Variants in AMPH observed in about 807,000 individuals in gnomAD.
The protein encoded by AMPH is amphiphysin.
Under a neutral mutation model 99.1 loss-of-function variants are expected in AMPH, and 49 were observed. The ratio of observed to expected loss-of-function variants is 0.49; its 90% CI spans 0.39 to 0.63. The LOEUF (loss-of-function observed/expected upper bound fraction) is 0.63. Among genes scored for constraint, AMPH ranks in the 20% least tolerant of loss-of-function variants. The pLI is 0.00. For missense variants in AMPH, 759 were observed against 863.4 expected (o/e 0.88, Z 1.52); for synonymous variants, 314 against 317.3 (o/e 0.99, Z 0.11).
At chr7:38,611,836 C>T (rs1793690858) in intron 1 of AMPH, among the ~76,000 whole-genome samples, 1 of 152,150 alleles carries the variant, frequency 6.6e-6, no homozygotes, top group South Asian at 2.1e-4. Flanking sequence ...TTCATTAATT[C>T]CCTATACCAT....
chr7:38,406,313 A>G (rs1182376720), intron 17 of AMPH, among the ~76,000 whole-genome samples: 1 of 152,212 alleles, frequency 6.6e-6, no homozygotes, highest in Non-Finnish European at 1.5e-5. Flanking sequence ...GGAACTAGAA[A>G]AATAAGAACA....
intron 1 of AMPH, among the ~76,000 whole-genome samples, chr7:38,560,583 G>A (rs1175701761): frequency 1.3e-5 from 2 of 152,164 alleles, no homozygotes; most frequent in Admixed American, 1.3e-4. Flanking sequence ...CGTAACTTGG[G>A]CCACATTCCT....
chr7:38,431,547 T>A (rs1414185155), intron 13 of AMPH, among the ~76,000 whole-genome samples: 6 of 151,332 alleles, frequency 4.0e-5, no homozygotes, highest in Non-Finnish European at 8.8e-5. Context: ...TCCCAGCTAC[T>A]TGGGAGGCTG....
intron 11 of AMPH, among the ~76,000 whole-genome samples, chr7:38,454,058 T>C (rs1269749899): frequency 6.6e-6 from 1 of 152,196 alleles, no homozygotes; most frequent in Non-Finnish European, 1.5e-5. Flanking sequence ...AATCTGGCCA[T>C]GCACCGATAA....
rs1785936009 is a variant in AMPH at position 38,429,830 on chromosome 7, A to G, written c.1182+12T>C. The stretch of plus-strand genomic sequence containing the variant: ...ACCAAAAAAATCCAGAATGATCTGG[A>G]TATTTACCTACCGGCTGTACCAAAT... On this transcript the variant is annotated intron_variant, in intron 14 of 20. Transcript: ENST00000356264. The G allele has an allele frequency of 6.2e-7, 1 of 1,604,764 alleles. No individual in the cohort carries two copies. Among genetic ancestry groups the G allele is most frequent in the Non-Finnish European group, 8.5e-7 (1 of 1,177,446 alleles).
At chr7:38,588,262 A>G (rs1487327898) in intron 1 of AMPH, among the ~76,000 whole-genome samples, 1 of 152,116 alleles carries the variant, frequency 6.6e-6, no homozygotes, top group African/African-American at 2.4e-5. Context: ...CTTATTAATT[A>G]CTATTAATTA....
intron 1 of AMPH, among the ~76,000 whole-genome samples, chr7:38,552,763 C>T (rs979607701): frequency 1.3e-5 from 2 of 152,198 alleles, no homozygotes; most frequent in Admixed American, 1.3e-4. Flanking sequence ...GGTTCATGAC[C>T]TTGACCCTGT....
At chr7:38,522,708 G>A (rs879522614) in intron 2 of AMPH, among the ~76,000 whole-genome samples, 2 of 152,132 alleles carry the variant, frequency 1.3e-5, no homozygotes, top group Non-Finnish European at 2.9e-5. Flanking sequence ...TGGCCCACAT[G>A]GTCAGGAGGC....
At chr7:38,570,402 C>T (rs116279150) in intron 1 of AMPH, among the ~76,000 whole-genome samples, 2,357 of 152,026 alleles carry the variant, frequency 0.016, 59 homozygotes, top group African/African-American at 0.048. Flanking sequence ...AGTCATGAGC[C>T]GCATAATAAT....
In AMPH at chr7:38,405,480, C is replaced by T. The variant is rs534622334; in HGVS notation, c.1399-11266G>A. Among the ~76,000 whole-genome samples the T allele has an allele frequency of 2.0e-5, 3 of 152,198 alleles. No homozygotes were observed. In the East Asian group the frequency reaches 5.8e-4, roughly 29 times the overall value. On this transcript the variant is annotated intron_variant, in intron 17 of 20. Transcript: ENST00000356264. ...CCCATCTAACATGTAATGACACCCA[C>T]AGGCTCCAAGTAAAGGGGCTGGAAA...
rs147689642 is a variant in AMPH, at chr7:38,394,118, C to A, written c.1495G>T (p.Val499Phe). The stretch of plus-strand genomic sequence containing the variant: ...AAACTTACTCCTTCCCCGGCAGGGA[C>A]AGTGGCCTTCTCCGCCTCTGCTTCC... ...GEEAEAEKAT[V>F]PAGEGVSLEE... Residue 499 changes from valine (V) to phenylalanine (F), a missense_variant, in exon 18 of 21, where the codon GTC (valine) becomes TTC (phenylalanine). Physicochemically the swap from Val to Phe is conservative, Grantham distance 50 (BLOSUM62 -1). Transcript: ENST00000356264. The A allele has an allele frequency of 1.1e-5, 17 of 1,614,100 alleles. No individual in the cohort carries two copies. Among genetic ancestry groups the A allele is most frequent in the Non-Finnish European group, 1.4e-5 (16 of 1,180,052 alleles).
intron 1 of AMPH, among the ~76,000 whole-genome samples, chr7:38,601,135 G>A (rs538229447): frequency 7.7e-4 from 117 of 152,254 alleles, no homozygotes; most frequent in Non-Finnish European, 5.9e-5. Flanking sequence ...TACCAGCTGT[G>A]CCCAGCCATA....
chr7:38,423,368 G>A (rs180750934), intron 15 of AMPH, among the ~76,000 whole-genome samples: 1 of 152,230 alleles, frequency 6.6e-6, no homozygotes, highest in Admixed American at 6.5e-5. Flanking sequence ...GGAGACCCAG[G>A]TGTCTTTCCT....
At chr7:38,446,254 A>G (rs1786773791) in intron 11 of AMPH, among the ~76,000 whole-genome samples, 2 of 152,232 alleles carry the variant, frequency 1.3e-5, no homozygotes, top group Non-Finnish European at 2.9e-5. Flanking sequence ...AAATCTGTCA[A>G]TTTTTTAAAA....
At chr7:38,537,403 A>G (rs913879582) in intron 1 of AMPH, among the ~76,000 whole-genome samples, 1 of 152,178 alleles carries the variant, frequency 6.6e-6, no homozygotes, top group Admixed American at 6.5e-5. Flanking sequence ...TTATTATTAT[A>G]GTTATTTTTA....
intron 14 of AMPH, chr7:38,428,569 T>C (rs555953322): frequency 1.3e-4 from 60 of 456,712 alleles, no homozygotes; most frequent in African/African-American, 1.1e-3. Flanking sequence ...TAAAATATCA[T>C]ATCATGGTTG....
intron 2 of AMPH, among the ~76,000 whole-genome samples, chr7:38,509,901 T>C (rs1356886026): frequency 2.0e-5 from 3 of 152,174 alleles, no homozygotes; most frequent in Non-Finnish European, 4.4e-5. Flanking sequence ...TCTATAACAT[T>C]CTATCGTGAC....
chr7:38,401,353 C>G (rs73118144), intron 17 of AMPH, among the ~76,000 whole-genome samples: 1 of 152,016 alleles, frequency 6.6e-6, no homozygotes, highest in African/African-American at 2.4e-5. Flanking sequence ...AATGAACTTC[C>G]AAGTGCCCAC....
At chr7:38,470,917 T>G (rs1159366097) in intron 7 of AMPH, among the ~76,000 whole-genome samples, 1 of 152,158 alleles carries the variant, frequency 6.6e-6, no homozygotes, top group Non-Finnish European at 1.5e-5. Flanking sequence ...CTCTACTAAA[T>G]TATCGTTTTT....
Sources: gnomAD v4.1 joint callset for allele counts (sites outside exome capture counted in the v4.1 genomes callset) on GRCh38, gnomAD v4.1.1 for gene constraint, MANE v1.5 for transcripts, NCBI Gene and HGNC (gene_info 2026-07-23, HGNC 2026-07-21) for gene names.